POU6F2: variants seen among roughly 807,000 people sequenced by gnomAD.
The protein encoded by POU6F2 is POU domain, class 6, transcription factor 2.
POU6F2 carries 31 observed loss-of-function variants against 71.3 expected under a neutral mutation model. The ratio of observed to expected loss-of-function variants is 0.43; its 90% confidence interval spans 0.33 to 0.59. POU6F2 has a LOEUF of 0.59. POU6F2 is among the 20% of genes least tolerant of loss of function. The probability of loss-of-function intolerance (pLI) is 0.04; values close to 1 mark genes in which losing one functional copy is unlikely to be tolerated. For missense variants in POU6F2, 783 were observed against 856.8 expected (o/e 0.91, Z 1.07); for synonymous variants, 347 against 355.7 (o/e 0.98, Z 0.27).
chr7:39,047,450 T>C (rs1431677067), intron 1 of POU6F2, among the ~76,000 whole-genome samples: 2 of 151,924 alleles, frequency 1.3e-5, no homozygotes, highest in African/African-American at 4.8e-5. Context: ...TCATCATTAG[T>C]ATTTTGTTTT....
intron 1 of POU6F2, among the ~76,000 whole-genome samples, chr7:39,015,758 TA>T (rs1305956691): frequency 7.3e-5 from 7 of 95,720 alleles, no homozygotes; most frequent in East Asian, 2.8e-4. Flanking sequence ...ATATTATATA[TA>T]GATATATTAT....
At chr7:39,416,814 TAAA>T (rs531942673) in intron 6 of POU6F2, among the ~76,000 whole-genome samples, 2 of 142,442 alleles carry the variant, frequency 1.4e-5, no homozygotes, top group African/African-American at 5.1e-5. Context: ...GTTAAAAATG[TAAA>T]AAAAAAAAAG....
intron 5 of POU6F2, among the ~76,000 whole-genome samples, chr7:39,390,164 G>A (rs1004711730): frequency 2.0e-5 from 3 of 152,188 alleles, no homozygotes; most frequent in Admixed American, 6.5e-5. Context: ...GGGAGGCTGA[G>A]GCAGGTGGAT....
chr7:39,347,877 C>T (rs1786060915), intron 5 of POU6F2, among the ~76,000 whole-genome samples: 1 of 143,392 alleles, frequency 7.0e-6, no homozygotes, highest in Non-Finnish European at 1.6e-5. Flanking sequence ...AGTGATCCAC[C>T]TGCCTCAGCC....
At chr7:39,209,330 C>T (rs1288541953) in intron 4 of POU6F2, among the ~76,000 whole-genome samples, 1 of 152,124 alleles carries the variant, frequency 6.6e-6, no homozygotes, top group Non-Finnish European at 1.5e-5. Context: ...CTTTTCTTAT[C>T]CCTGGGCACT....
At chr7:39,231,159 G>A (rs1794567229) in intron 4 of POU6F2, among the ~76,000 whole-genome samples, 1 of 152,130 alleles carries the variant, frequency 6.6e-6, no homozygotes, top group Admixed American at 6.5e-5. Flanking sequence ...TGTTGAGGGT[G>A]AAAAAATAAC....
intron 4 of POU6F2, among the ~76,000 whole-genome samples, chr7:39,280,559 G>A (rs1784544441): frequency 1.3e-5 from 2 of 152,174 alleles, no homozygotes. Context: ...GCTGCATGTT[G>A]GTAATGGAAA....
At chr7:39,155,603 G>A (rs1158216695) in intron 2 of POU6F2, among the ~76,000 whole-genome samples, 1 of 152,104 alleles carries the variant, frequency 6.6e-6, no homozygotes, top group African/African-American at 2.4e-5. Flanking sequence ...GTATCCTGTA[G>A]TATTTGTCTT....
chr7:39,058,820 T>A (rs1487740318), intron 1 of POU6F2, among the ~76,000 whole-genome samples: 1 of 152,204 alleles, frequency 6.6e-6, no homozygotes, highest in East Asian at 1.9e-4. Context: ...CTACAAAATC[T>A]AAATTGTGGG....
rs1786781699 is a variant in POU6F2, at chr7:39,379,509, C to T, written c.973-27091C>T. Among the ~76,000 whole-genome samples, 7 of 152,268 alleles carry T rather than the reference C, an allele frequency of 4.6e-5. No homozygotes were observed. The South Asian group carries it at 1.5e-3, about 32-fold the overall frequency. ...CACCTCCCTTCCTCAAGCTCCAATCCTCCTAACTCAAATGTTAAGGGACAG... is the reference window on the plus strand; with the variant it reads ...CACCTCCCTTCCTCAAGCTCCAATCTTCCTAACTCAAATGTTAAGGGACAG... On this transcript the variant is annotated intron_variant, in intron 5 of 9. Coordinates refer to ENST00000518318, the MANE Select transcript of POU6F2 (RefSeq NM_001370959.1).
intron 1 of POU6F2, among the ~76,000 whole-genome samples, chr7:39,038,500 C>T (rs1310865418): frequency 1.3e-5 from 2 of 152,042 alleles, no homozygotes; most frequent in East Asian, 3.9e-4. Context: ...CCCAAGCACC[C>T]GCCACAACAC....
chr7:39,184,178 G>A (rs183493179), intron 2 of POU6F2, among the ~76,000 whole-genome samples: 2 of 152,278 alleles, frequency 1.3e-5, no homozygotes, highest in Non-Finnish European at 2.9e-5. Flanking sequence ...TATTTGCACA[G>A]CAATAGAATC....
chr7:39,103,796 A>T (rs1160793857), intron 2 of POU6F2, among the ~76,000 whole-genome samples: 1 of 152,180 alleles, frequency 6.6e-6, no homozygotes, highest in East Asian at 1.9e-4. Flanking sequence ...TGGTATGTTC[A>T]TGACCTCCAG....
chr7:39,298,776 C>A (rs1034688791), intron 4 of POU6F2, among the ~76,000 whole-genome samples: 10 of 152,100 alleles, frequency 6.6e-5, no homozygotes, highest in Admixed American at 4.6e-4. Context: ...CAGTGATAGA[C>A]TGGATAAAGA....
intron 2 of POU6F2, among the ~76,000 whole-genome samples, chr7:39,119,585 G>A (rs1009852598): frequency 6.6e-6 from 1 of 152,058 alleles, no homozygotes; most frequent in African/African-American, 2.4e-5. Flanking sequence ...AGATAATCAA[G>A]GAATAGCATG....
intron 7 of POU6F2, among the ~76,000 whole-genome samples, chr7:39,445,642 A>G (rs969447449): frequency 6.6e-6 from 1 of 152,170 alleles, no homozygotes; most frequent in Non-Finnish European, 1.5e-5. Flanking sequence ...AAAGATAGCT[A>G]AAATCTCTCT....
intron 2 of POU6F2, among the ~76,000 whole-genome samples, chr7:39,136,190 C>T (rs1792385013): frequency 6.6e-6 from 1 of 151,884 alleles, no homozygotes; most frequent in East Asian, 1.9e-4. Context: ...TCACATAATT[C>T]CAAGCAAAAT....
At chr7:39,237,063 C>A (rs779807492) in intron 4 of POU6F2, among the ~76,000 whole-genome samples, 1 of 152,114 alleles carries the variant, frequency 6.6e-6, no homozygotes, top group African/African-American at 2.4e-5. Context: ...TGCTACACTC[C>A]TCACACACAG....
In POU6F2 at chr7:39,085,861, A is replaced by C. The variant is rs758803652; in HGVS notation, c.107A>C (p.Asp36Ala). 6 of 1,613,066 alleles carry C rather than the reference A, an allele frequency of 3.7e-6. No individual in the cohort carries two copies. The highest frequency in any genetic ancestry group is 5.1e-6 in the Non-Finnish European group (6 of 1,179,606). Residue 36 changes from aspartate (D) to alanine (A), a missense_variant and splice_region_variant, in exon 2 of 10, where the codon GAT (aspartate) becomes GCT (alanine). Transcript: ENST00000518318. Reference protein sequence around the residue: ...TGTMQAVIGQDPMIAGQVSKP... With the variant: ...TGTMQAVIGQAPMIAGQVSKP... ...CTTCACTCTTTTCGCCCATCCTAGG[A>C]TCCAATGATAGCTGGACAAGTCAGT...
Sources: gnomAD v4.1 joint callset for allele counts (sites outside exome capture counted in the v4.1 genomes callset) on GRCh38, gnomAD v4.1.1 for gene constraint, MANE v1.5 for transcripts, NCBI Gene and HGNC (gene_info 2026-07-23, HGNC 2026-07-21) for gene names.